XPR1: variants seen among roughly 807,000 people sequenced by gnomAD.
The protein encoded by XPR1 is solute carrier family 53 member 1.
Under a neutral mutation model 87.5 loss-of-function variants are expected in XPR1, and 28 were observed. The observed-to-expected ratio is 0.32, with a 90% CI of 0.24 to 0.44. XPR1 has a LOEUF of 0.44. Among genes scored for constraint, XPR1 ranks in the 20% least tolerant of loss-of-function variants. The pLI is 1.00. For missense variants in XPR1, 559 were observed against 862.3 expected, an observed-to-expected ratio of 0.65 and a Z score of 4.41; for synonymous variants, 300 against 306.1, an observed-to-expected ratio of 0.98 and a Z score of 0.21.
intron 2 of XPR1, among the ~76,000 whole-genome samples, chr1:180,709,584 A>G (rs6677570): frequency 0.31 from 47,871 of 152,042 alleles, 8,271 homozygotes; most frequent in Non-Finnish European, 0.38. Context: ...CTTTCAGTCA[A>G]CCTAATTATT....
intron 1 of XPR1, among the ~76,000 whole-genome samples, chr1:180,641,793 C>G (rs1654970726): frequency 6.6e-6 from 1 of 152,188 alleles, no homozygotes; most frequent in South Asian, 2.1e-4. Flanking sequence ...GATACCTGGT[C>G]AGAGTCTCAT....
intron 3 of XPR1, among the ~76,000 whole-genome samples, chr1:180,795,664 A>G (rs1259817671): frequency 6.6e-6 from 1 of 152,204 alleles, no homozygotes; most frequent in Non-Finnish European, 1.5e-5. Flanking sequence ...AGTATTACTG[A>G]GACACAAAGT....
At chr1:180,695,944 AT>A (rs887115214) in intron 2 of XPR1, among the ~76,000 whole-genome samples, 24 of 148,798 alleles carry the variant, frequency 1.6e-4, no homozygotes, top group African/African-American at 3.9e-4. Context: ...AAATTTTGGG[AT>A]TTTTTTTTCT....
intron 1 of XPR1, among the ~76,000 whole-genome samples, chr1:180,656,325 T>A (rs1049232853): frequency 2.5e-5 from 3 of 119,704 alleles, no homozygotes; most frequent in East Asian, 4.4e-4. Context: ...TATATAATAT[T>A]TATATATATA....
rs1652966350 is a variant in XPR1 at position 180,884,974 on chromosome 1, G to A, written c.*908G>A. On this transcript the variant is annotated 3_prime_UTR_variant, in exon 15 of 15. Coordinates refer to ENST00000367590, the MANE Select transcript of XPR1 (RefSeq NM_004736.4). ...CTTCACACCACCGGCTGAATTTCATGGAAGAGGTTCTGATAATTTTTTTAA... is the reference window on the plus strand; with the variant it reads ...CTTCACACCACCGGCTGAATTTCATAGAAGAGGTTCTGATAATTTTTTTAA... 6.6e-6 allele frequency: 1 copy of A among 152,298 alleles called. No individual in the cohort carries two copies. 9.4% of individuals were successfully genotyped at this position (152,298 alleles called of 1,614,324 possible).
At chr1:180,692,648 A>G (rs1295947802) in intron 2 of XPR1, among the ~76,000 whole-genome samples, 3 of 152,188 alleles carry the variant, frequency 2.0e-5, no homozygotes, top group African/African-American at 7.2e-5. Flanking sequence ...AGATGTCACT[A>G]ACTTCAGTCT....
chr1:180,736,771 T>C lies in XPR1; in HGVS notation c.122-50982T>C, dbSNP rs147106101. Among the ~76,000 whole-genome samples, 62 of 151,874 alleles carry C rather than the reference T, an allele frequency of 4.1e-4. No individual in the cohort carries two copies. In the East Asian group the frequency reaches 0.01, roughly 26 times the overall value. On this transcript the variant is annotated intron_variant, in intron 2 of 14. Coordinates refer to ENST00000367590, the MANE Select transcript of XPR1 (RefSeq NM_004736.4). The stretch of plus-strand genomic sequence containing the variant: ...TAAATAACTGGGGTTAGGGTTGGGG[T>C]TGGGGTGAGGAGTGGAGACCAAAAA...
At chr1:180,864,134 C>G (rs1008732284) in intron 12 of XPR1, among the ~76,000 whole-genome samples, 1 of 152,012 alleles carries the variant, frequency 6.6e-6, no homozygotes, top group South Asian at 2.1e-4. Flanking sequence ...AAACAAATTG[C>G]AATACAATGC....
At chr1:180,798,172 C>A (rs948164897) in intron 3 of XPR1, among the ~76,000 whole-genome samples, 1 of 151,666 alleles carries the variant, frequency 6.6e-6, no homozygotes, top group African/African-American at 2.4e-5. Context: ...AAATATATAT[C>A]TAATATGATT....
chr1:180,856,835 C>G (rs1020834279), intron 11 of XPR1, among the ~76,000 whole-genome samples: 27 of 152,206 alleles, frequency 1.8e-4, no homozygotes, highest in South Asian at 6.2e-4. Context: ...TGCTTTCAAT[C>G]TTTACACCTC....
chr1:180,655,989 A>T (rs888691845), intron 1 of XPR1, among the ~76,000 whole-genome samples: 2 of 151,970 alleles, frequency 1.3e-5, no homozygotes, highest in African/African-American at 4.8e-5. Flanking sequence ...TAGTTATTTT[A>T]AAATGTACAA....
At chr1:180,831,351 C>CTTCT (rs1553252325) in intron 9 of XPR1, among the ~76,000 whole-genome samples, 3 of 96,062 alleles carry the variant, frequency 3.1e-5, no homozygotes, top group African/African-American at 1.2e-4. Context: ...TTTCTATTTT[C>CTTCT]TTTTCTTTTT....
chr1:180,754,178 A>G (rs1397968890), intron 2 of XPR1, among the ~76,000 whole-genome samples: 3 of 152,172 alleles, frequency 2.0e-5, no homozygotes, highest in Non-Finnish European at 1.5e-5. Flanking sequence ...ATAGAATGTC[A>G]GTTTCCTAAA....
intron 9 of XPR1, among the ~76,000 whole-genome samples, chr1:180,830,637 C>G (rs950188612): frequency 6.6e-6 from 1 of 152,156 alleles, no homozygotes; most frequent in Non-Finnish European, 1.5e-5. Flanking sequence ...TTTCTCAAAA[C>G]TTCTACTTAC....
intron 2 of XPR1, among the ~76,000 whole-genome samples, chr1:180,683,681 C>T (rs1259330078): frequency 2.6e-5 from 4 of 152,132 alleles, no homozygotes; most frequent in Non-Finnish European, 5.9e-5. Flanking sequence ...GATGGTATCC[C>T]ATTGTGGTTT....
chr1:180,796,454 C>A (rs990069093), intron 3 of XPR1, among the ~76,000 whole-genome samples: 1 of 152,096 alleles, frequency 6.6e-6, no homozygotes, highest in Admixed American at 6.6e-5. Flanking sequence ...CATAGTTATG[C>A]CCTTAAGGAA....
At chr1:180,730,862 T>C (rs1271384311) in intron 2 of XPR1, among the ~76,000 whole-genome samples, 2 of 151,984 alleles carry the variant, frequency 1.3e-5, no homozygotes, top group African/African-American at 4.8e-5. Context: ...AGATGAGGTC[T>C]TGCTGTGTTA....
intron 1 of XPR1, among the ~76,000 whole-genome samples, chr1:180,653,198 A>T (rs13374649): frequency 0.032 from 4,891 of 152,232 alleles, 178 homozygotes; most frequent in African/African-American, 0.088. Flanking sequence ...GATTGTACAG[A>T]TACAAGGCTA....
intron 1 of XPR1, among the ~76,000 whole-genome samples, chr1:180,659,084 C>G (rs1203609960): frequency 6.6e-6 from 1 of 151,124 alleles, no homozygotes; most frequent in African/African-American, 2.4e-5. Flanking sequence ...TCCTTCCTTC[C>G]TTCCTTCCTC....
Sources: allele counts gnomAD v4.1 joint callset (sites outside exome capture counted in the v4.1 genomes callset), GRCh38; gene constraint gnomAD v4.1.1; transcripts MANE v1.5; gene names NCBI Gene and HGNC (gene_info 2026-07-23, HGNC 2026-07-21).